The following DCTD variants were observed in gnomAD, a reference collection of about 807,000 sequenced individuals.
DCTD encodes the protein dCMP deaminase, also known as deoxycytidylate deaminase.
A neutral mutation model predicts 21.0 loss-of-function variants in DCTD; 23 were observed. That is an observed-to-expected ratio of 1.09 (90% CI 0.79 to 1.55). DCTD has a LOEUF of 1.55. Ranked by LOEUF, DCTD falls within the 40% of genes most tolerant of loss-of-function variation. DCTD has a pLI of 0.00. For synonymous variants in DCTD, 71 were observed against 81.1 expected, an observed-to-expected ratio of 0.88 and a Z score of 0.67; for missense variants, 224 against 230.0, an observed-to-expected ratio of 0.97 and a Z score of 0.17.
intron 3 of DCTD, among the ~76,000 whole-genome samples, chr4:182,896,906 C>T (rs1054948664): frequency 1.3e-5 from 2 of 152,158 alleles, no homozygotes; most frequent in Non-Finnish European, 2.9e-5. Flanking sequence ...TGGTGACGTT[C>T]GGAAGTACTG....
chr4:182,916,844 G>A, intron 1 of DCTD: 3 of 1,056,776 alleles, frequency 2.8e-6, no homozygotes, highest in African/African-American at 1.7e-5. Context: ...AGCCCTGTGA[G>A]GACTGAGGCC....
chr4:182,917,130 GC>G lies in DCTD; in HGVS notation c.-8+180del. 1 of 987,388 alleles carries G rather than the reference GC, an allele frequency of 1.0e-6. No individual in the cohort carries two copies. Among genetic ancestry groups the G allele is most frequent in the South Asian group, 4.7e-5 (1 of 21,314 alleles). The allele number at this position is 987,388 out of a possible 1,614,324, so 61.2% of individuals were successfully genotyped here. ...TGGAGTGACTGCGGGGACCCCGAGC[GC>G]CCCCACCCCGCCCGCATTCTCCGAT... is the stretch of plus-strand genomic sequence containing the variant. On this transcript the variant is annotated intron_variant, in intron 1 of 5. Transcript: ENST00000438320. This position sits in a 1 kb window ranked among gnomAD's most constrained non-coding sequence, Gnocchi z 4.9.
In DCTD at chr4:182,915,349, C is replaced by G. The variant is rs150612296; in HGVS notation, c.108+112G>C. On this transcript the variant is annotated intron_variant, in intron 2 of 5. Coordinates refer to ENST00000438320, the MANE Select transcript of DCTD (RefSeq NM_001921.3). Reference sequence around the variant, plus strand: ...TAGAAACGCAGCACAAAAGGCAGACCGACCCTGCACTTTTAAGTTGACAGG... The same window carrying G: ...TAGAAACGCAGCACAAAAGGCAGACGGACCCTGCACTTTTAAGTTGACAGG... 1.9e-4 allele frequency: 155 copies of G among 804,692 alleles called. No individual in the cohort carries two copies. In the African/African-American group the frequency reaches 2.3e-3, roughly 12 times the overall value. The allele number at this position is 804,692 out of a possible 1,614,324, so 49.8% of individuals were successfully genotyped here.
intron 3 of DCTD, among the ~76,000 whole-genome samples, chr4:182,900,720 C>A (rs559303256): frequency 6.6e-6 from 1 of 152,306 alleles, no homozygotes; most frequent in African/African-American, 2.4e-5. Context: ...GAGTGACACA[C>A]AACCCTCCAG....
At chr4:182,909,335 A>G (rs547792708) in intron 3 of DCTD, among the ~76,000 whole-genome samples, 24 of 152,186 alleles carry the variant, frequency 1.6e-4, no homozygotes, top group Admixed American at 7.9e-4. Flanking sequence ...TTTATCTGAA[A>G]CCCCACACGA....
intron 3 of DCTD, among the ~76,000 whole-genome samples, chr4:182,895,765 T>C (rs1379685249): frequency 6.6e-6 from 1 of 152,212 alleles, no homozygotes; most frequent in Non-Finnish European, 1.5e-5. Flanking sequence ...TGCAAACCTC[T>C]CTGATATCAG....
At chr4:182,908,682 C>CAAAAAA (rs34915632) in intron 3 of DCTD, among the ~76,000 whole-genome samples, 68 of 63,552 alleles carry the variant, frequency 1.1e-3, no homozygotes, top group Non-Finnish European at 1.5e-3. Context: ...GACTCTGTCT[C>CAAAAAA]AAAAAAAAAA....
At chr4:182,901,370 G>A (rs952260156) in intron 3 of DCTD, among the ~76,000 whole-genome samples, 1 of 152,164 alleles carries the variant, frequency 6.6e-6, no homozygotes, top group Admixed American at 6.5e-5. Flanking sequence ...AACTCTCCAG[G>A]TTGCTTAAAA....
intron 5 of DCTD, among the ~76,000 whole-genome samples, chr4:182,892,028 G>A (rs2464974): frequency 0.56 from 82,071 of 146,988 alleles, 23,077 homozygotes; most frequent in Non-Finnish European, 0.61. Flanking sequence ...TTAAAAAGAA[G>A]ACATTTGGGA....
Position 182,891,333 on chromosome 4 carries a change from G to T in DCTD, c.*66C>A. The T allele has an allele frequency of 9.0e-7, 1 of 1,105,084 alleles. No individual in the cohort carries two copies. 68.5% of individuals were successfully genotyped at this position (1,105,084 alleles called of 1,614,324 possible). ...AAGAAGTTATGTGTAACTTCAAGAT[G>T]AAAGGCATTAGCAACCTCTTAGAAG... On this transcript the variant is annotated 3_prime_UTR_variant, in exon 6 of 6. Transcript: ENST00000438320.
intron 3 of DCTD, among the ~76,000 whole-genome samples, chr4:182,908,492 G>A (rs34180264): frequency 0.061 from 9,212 of 152,004 alleles, 327 homozygotes; most frequent in South Asian, 0.1. Flanking sequence ...GACCAGCCTG[G>A]CCAACATGGT....
At chr4:182,905,392 G>A (rs376117415) in intron 3 of DCTD, among the ~76,000 whole-genome samples, 8 of 146,650 alleles carry the variant, frequency 5.5e-5, no homozygotes, top group East Asian at 4.0e-4. Context: ...GCAATGGCGC[G>A]ATCTCGGCTC....
rs1733562611 is a variant in DCTD at position 182,890,507 on chromosome 4, G to A, written c.*892C>T. ...TTCTCTCCAGTTGCAGAGGGGCCTT[G>A]TACATGAACTGCGTTGGCATGCGGA... is the stretch of plus-strand genomic sequence containing the variant. On this transcript the variant is annotated 3_prime_UTR_variant, in exon 6 of 6. Transcript: ENST00000438320. 6.6e-6 allele frequency: 1 copy of A among 152,272 alleles called. No individual in the cohort carries two copies. Among genetic ancestry groups the A allele is most frequent in the South Asian group, 2.1e-4 (1 of 4,832 alleles). 9.4% of individuals were successfully genotyped at this position (152,272 alleles called of 1,614,324 possible).
At position 182,917,338 on chromosome 4, in the gene DCTD, C is replaced by T; in HGVS notation, c.-35G>A. 2 of 1,094,390 alleles carry T rather than the reference C, an allele frequency of 1.8e-6. No individual in the cohort carries two copies. The highest frequency in any genetic ancestry group is 1.1e-6 in the Non-Finnish European group (1 of 901,050). The allele number at this position is 1,094,390 out of a possible 1,614,324, so 67.8% of individuals were successfully genotyped here. A position where few individuals can be genotyped will look rare whatever the true frequency, so the allele number is the denominator to read the frequency against. On this transcript the variant is annotated 5_prime_UTR_variant, in exon 1 of 6. Coordinates refer to ENST00000438320, the MANE Select transcript of DCTD (RefSeq NM_001921.3). The surrounding 1 kb of genome is among the most constrained non-coding windows in gnomAD (Gnocchi z 4.9). ...TCCGGTGCCGGCTCCGCGCGCAGGCCGGTGCTCGTCCCCGCCGCCGCCGTG... is the reference window on the plus strand; with the variant it reads ...TCCGGTGCCGGCTCCGCGCGCAGGCTGGTGCTCGTCCCCGCCGCCGCCGTG...
At chr4:182,916,285 C>T (rs1169209756) in intron 1 of DCTD, 6 of 734,092 alleles carry the variant, frequency 8.2e-6, no homozygotes, top group Non-Finnish European at 1.0e-5. Context: ...ACGTAGTTTA[C>T]CAGGGGCAAG....
chr4:182,897,795 A>G (rs1313630079), intron 3 of DCTD, among the ~76,000 whole-genome samples: 1 of 152,168 alleles, frequency 6.6e-6, no homozygotes, highest in African/African-American at 2.4e-5. Flanking sequence ...GCCCCAACCC[A>G]GAGGAGCACC....
In DCTD at chr4:182,917,001, G is replaced by C. The variant is rs189219557; in HGVS notation, c.-8+310C>G. 2.5e-5 allele frequency: 25 copies of C among 989,980 alleles called. 1 individual carries two copies. The highest frequency in any genetic ancestry group is 4.6e-4 in the Middle Eastern group (1 of 2,156). The allele number at this position is 989,980 out of a possible 1,614,324, so 61.3% of individuals were successfully genotyped here. On this transcript the variant is annotated intron_variant, in intron 1 of 5. Coordinates refer to ENST00000438320, the MANE Select transcript of DCTD (RefSeq NM_001921.3). This position sits in a 1 kb window ranked among gnomAD's most constrained non-coding sequence, Gnocchi z 4.9. ...ACCCGGCATTCCCAACCCACACACGGGCGCAGGAAGGGATGTGGTGTTCAG... is the reference window on the plus strand; with the variant it reads ...ACCCGGCATTCCCAACCCACACACGCGCGCAGGAAGGGATGTGGTGTTCAG...
intron 3 of DCTD, among the ~76,000 whole-genome samples, chr4:182,906,936 C>T (rs1225995101): frequency 6.6e-6 from 1 of 152,234 alleles, no homozygotes; most frequent in Non-Finnish European, 1.5e-5. Context: ...TTGCCTTCAC[C>T]AGTATCCTGC....
At chr4:182,907,279 A>G (rs555565662) in intron 3 of DCTD, among the ~76,000 whole-genome samples, 1 of 152,252 alleles carries the variant, frequency 6.6e-6, no homozygotes, top group East Asian at 1.9e-4. Context: ...CTGGGGCTAC[A>G]GCTGCACGCC....
Sources: allele counts gnomAD v4.1 joint callset (sites outside exome capture counted in the v4.1 genomes callset), GRCh38; gene constraint gnomAD v4.1.1; non-coding constraint Gnocchi (gnomAD v3.1); transcripts MANE v1.5; gene names NCBI Gene and HGNC (gene_info 2026-07-23, HGNC 2026-07-21).